The following SHB variants were observed in gnomAD, a reference collection of about 807,000 sequenced individuals.
SHB encodes SH2 domain containing adaptor protein B.
Under a neutral mutation model 52.3 loss-of-function variants are expected in SHB, and 20 were observed. That is an observed-to-expected ratio of 0.38 (90% CI 0.27 to 0.56). SHB has a LOEUF of 0.56. Among genes scored for constraint, SHB ranks in the 20% least tolerant of loss-of-function variants. The pLI is 0.71. For synonymous variants in SHB, 397 were observed against 316.5 expected (o/e 1.25, Z -2.70); for missense variants, 825 against 723.3 (o/e 1.14, Z -1.61).
chr9:38,044,995 G>A (rs1345653806), intron 1 of SHB, among the ~76,000 whole-genome samples: 2 of 152,232 alleles, frequency 1.3e-5, no homozygotes, highest in African/African-American at 2.4e-5. Flanking sequence ...AGAGGATGAG[G>A]AGGATAAAGG....
chr9:37,988,573 C>T (rs576804438), intron 2 of SHB, among the ~76,000 whole-genome samples: 1 of 152,232 alleles, frequency 6.6e-6, no homozygotes, highest in East Asian at 1.9e-4. Flanking sequence ...CTACATGCAA[C>T]AAGAACTCTG....
chr9:38,002,145 A>G (rs1247303349), intron 2 of SHB, among the ~76,000 whole-genome samples: 1 of 152,154 alleles, frequency 6.6e-6, no homozygotes, highest in African/African-American at 2.4e-5. Flanking sequence ...AAAGGATAGC[A>G]AGGACTGCCT....
At chr9:38,007,953 C>G (rs1432184183) in intron 2 of SHB, among the ~76,000 whole-genome samples, 1 of 152,174 alleles carries the variant, frequency 6.6e-6, no homozygotes, top group Non-Finnish European at 1.5e-5. Flanking sequence ...GTGCAGCACA[C>G]TTTGGTCCCA....
intron 2 of SHB, among the ~76,000 whole-genome samples, chr9:37,983,033 T>A (rs1036967049): frequency 2.7e-5 from 4 of 146,292 alleles, no homozygotes. Flanking sequence ...ACCAACCAAC[T>A]ATCTACTGAA....
intron 2 of SHB, among the ~76,000 whole-genome samples, chr9:37,991,461 T>A (rs907592350): frequency 6.6e-6 from 1 of 152,238 alleles, no homozygotes; most frequent in Non-Finnish European, 1.5e-5. Context: ...TTTTGAAGTT[T>A]AGGAAATTAA....
At position 37,919,934 on chromosome 9, in the gene SHB, G is replaced by C. The variant is rs377048762; in HGVS notation, c.1417C>G (p.Pro473Ala). The C allele has an allele frequency of 1.2e-5, 19 of 1,613,870 alleles. No individual in the cohort carries two copies. Among genetic ancestry groups the C allele is most frequent in the Non-Finnish European group, 1.5e-5 (18 of 1,179,824 alleles). ...ACTTCCGGGACACTGTCGAACGGAG[G>C]GCTGTTCTGACCCAGAACGTATTTC... ...KEKYVLGQNS[P>A]PFDSVPEVIH... Residue 473 changes from proline to alanine, a missense_variant, in exon 6 of 6, where the codon CCT becomes GCT. Transcript: ENST00000377707.
rs1217277451 is a variant in SHB at position 37,915,957 on chromosome 9, G to C, written c.*3864C>G. On this transcript the variant is annotated 3_prime_UTR_variant, in exon 6 of 6. Coordinates refer to ENST00000377707, the MANE Select transcript of SHB (RefSeq NM_003028.3). ...CATTAAATATTCATCATTATACAGT[G>C]TGTCACATAGATTTGGAATGTTACA... Among the ~76,000 whole-genome samples the C allele has an allele frequency of 6.6e-6, 1 of 152,222 alleles. No individual in the cohort carries two copies. The highest frequency in any genetic ancestry group is 6.5e-5 in the Admixed American group (1 of 15,284).
chr9:38,002,186 T>C (rs907004772), intron 2 of SHB, among the ~76,000 whole-genome samples: 11 of 152,126 alleles, frequency 7.2e-5, no homozygotes, highest in Admixed American at 6.5e-4. Flanking sequence ...AAATGAGATG[T>C]GAGTAGTCAG....
At chr9:37,939,779 T>C (rs577696217) in intron 5 of SHB, among the ~76,000 whole-genome samples, 21 of 152,324 alleles carry the variant, frequency 1.4e-4, no homozygotes, top group African/African-American at 4.6e-4. Flanking sequence ...TCATTAACTG[T>C]GACGTAATGT....
At chr9:37,922,587 C>A (rs926348333) in intron 5 of SHB, among the ~76,000 whole-genome samples, 2 of 152,218 alleles carry the variant, frequency 1.3e-5, no homozygotes, top group African/African-American at 4.8e-5. Flanking sequence ...ACGAGTTTAC[C>A]ACCCTGAGCC....
intron 2 of SHB, among the ~76,000 whole-genome samples, chr9:38,013,334 G>A (rs534917868): frequency 2.0e-5 from 3 of 152,134 alleles, no homozygotes; most frequent in Admixed American, 6.5e-5. Context: ...AGGCAAAGTC[G>A]GTGCAGTGGC....
intron 1 of SHB, among the ~76,000 whole-genome samples, chr9:38,041,790 C>T (rs1277338937): frequency 6.6e-6 from 1 of 152,148 alleles, no homozygotes; most frequent in Non-Finnish European, 1.5e-5. Context: ...GGGGCCGGTA[C>T]TGAATGCCCG....
At chr9:38,066,398 A>C (rs1821960828) in intron 1 of SHB, among the ~76,000 whole-genome samples, 1 of 152,188 alleles carries the variant, frequency 6.6e-6, no homozygotes, top group African/African-American at 2.4e-5. Flanking sequence ...GCCTGCACCA[A>C]GCCAAGCTTC....
intron 3 of SHB, among the ~76,000 whole-genome samples, chr9:37,967,778 C>A (rs1221072345): frequency 6.6e-6 from 1 of 152,250 alleles, no homozygotes; most frequent in Non-Finnish European, 1.5e-5. Flanking sequence ...CCAGGTGATT[C>A]TGATGCCTTC....
At chr9:38,026,720 G>A (rs940564849) in intron 1 of SHB, among the ~76,000 whole-genome samples, 3 of 152,230 alleles carry the variant, frequency 2.0e-5, no homozygotes, top group African/African-American at 7.2e-5. Flanking sequence ...TCTAGGCTGG[G>A]AAACCCTGAA....
intron 2 of SHB, among the ~76,000 whole-genome samples, chr9:38,010,670 C>T (rs1821129024): frequency 6.6e-6 from 1 of 152,220 alleles, no homozygotes; most frequent in African/African-American, 2.4e-5. Flanking sequence ...GCCACATGCT[C>T]ATCTCAGTGC....
chr9:37,945,360 G>A (rs905606551), intron 5 of SHB, among the ~76,000 whole-genome samples: 3 of 152,184 alleles, frequency 2.0e-5, no homozygotes, highest in African/African-American at 4.8e-5. Flanking sequence ...TTCCCCTTGC[G>A]GTTGAGGTGA....
intron 5 of SHB, among the ~76,000 whole-genome samples, chr9:37,938,138 C>A (rs1832395332): frequency 6.6e-6 from 1 of 152,220 alleles, no homozygotes; most frequent in South Asian, 2.1e-4. Context: ...CTCTGCAAAC[C>A]ACCCTACCTG....
At chr9:37,923,189 T>G (rs1587191241) in intron 5 of SHB, among the ~76,000 whole-genome samples, 1 of 152,200 alleles carries the variant, frequency 6.6e-6, no homozygotes, top group South Asian at 2.1e-4. Flanking sequence ...GAGGGCCTCA[T>G]GTAACCCTCA....
Sources: gnomAD v4.1 joint callset for allele counts (sites outside exome capture counted in the v4.1 genomes callset) on GRCh38, gnomAD v4.1.1 for gene constraint, MANE v1.5 for transcripts, NCBI Gene and HGNC (gene_info 2026-07-23, HGNC 2026-07-21) for gene names.